Variants in CAMK4 observed in about 807,000 individuals in gnomAD.
CAMK4 encodes calcium/calmodulin-dependent protein kinase type IV.
Under a neutral mutation model 44.9 loss-of-function variants are expected in CAMK4, and 22 were observed. That is an observed-to-expected ratio of 0.49 (90% CI 0.35 to 0.70). The LOEUF (loss-of-function observed/expected upper bound fraction) is 0.70, where lower values mean the gene tolerates loss of function less well. Among genes scored for constraint, CAMK4 ranks in the 30% least tolerant of loss-of-function variants. CAMK4 has a pLI of 0.01. For missense variants in CAMK4, 498 were observed against 586.8 expected (o/e 0.85, Z 1.56); for synonymous variants, 218 against 215.4 (o/e 1.01, Z -0.11).
In CAMK4 at chr5:111,493,981, C is replaced by T. The variant is rs1391685960; in HGVS notation, c.*9515C>T. The stretch of plus-strand genomic sequence containing the variant: ...GCAGACATTGAGAAAGGAAAACTTC[C>T]TACTTGGGCTTTTCAGGCTTATGTG... On this transcript the variant is annotated 3_prime_UTR_variant, in exon 11 of 11. Transcript: ENST00000282356. This position sits in a 1 kb window ranked among gnomAD's most constrained non-coding sequence, Gnocchi z 4.1. 6.6e-6 allele frequency: 1 copy of T among 152,116 alleles called. No homozygotes were observed. Among genetic ancestry groups the T allele is most frequent in the Non-Finnish European group, 1.5e-5 (1 of 68,010 alleles). The allele number at this position is 152,116 out of a possible 1,614,324, so 9.4% of individuals were successfully genotyped here.
At chr5:111,404,827 A>G (rs566201210) in intron 5 of CAMK4, among the ~76,000 whole-genome samples, 1 of 152,144 alleles carries the variant, frequency 6.6e-6, no homozygotes, top group Admixed American at 6.5e-5. Flanking sequence ...GGGACTTACT[A>G]TGTTATTCTT....
chr5:111,247,210 A>G (rs1749279341), intron 1 of CAMK4, among the ~76,000 whole-genome samples: 1 of 151,280 alleles, frequency 6.6e-6, no homozygotes, highest in Non-Finnish European at 1.5e-5. Flanking sequence ...GTACATATGT[A>G]AAAATAGTAG....
chr5:111,484,980 CAAA>C lies in CAMK4; in HGVS notation c.*521_*523del, dbSNP rs537799080. 6.7e-6 allele frequency: 1 copy of C among 150,164 alleles called. No homozygotes were observed. The highest frequency in any genetic ancestry group is 6.6e-5 in the Admixed American group (1 of 15,090). 9.3% of individuals were successfully genotyped at this position (150,164 alleles called of 1,614,324 possible). A position where few individuals can be genotyped will look rare whatever the true frequency, so the allele number is the denominator to read the frequency against. The stretch of plus-strand genomic sequence containing the variant: ...TATAGATGATAGTTGTACATATGTG[CAAA>C]AAAAAATCCACTTGCAATGGTAAGA... On this transcript the variant is annotated 3_prime_UTR_variant, in exon 11 of 11. Coordinates refer to ENST00000282356, the MANE Select transcript of CAMK4 (RefSeq NM_001744.6). This position sits in a 1 kb window ranked among gnomAD's most constrained non-coding sequence, Gnocchi z 5.3.
chr5:111,317,898 T>TAAAAAAAAAAAAAAAAAAATAAAAAAA (rs1748495588), intron 1 of CAMK4, among the ~76,000 whole-genome samples: 1 of 69,820 alleles, frequency 1.4e-5, no homozygotes, highest in Non-Finnish European at 2.6e-5. Flanking sequence ...GAGTAATATG[T>TAAAAAAAAAAAAAAAAAAATAAAAAAA]AAAAAAAAAA....
At chr5:111,477,752 C>T (rs1367386620) in intron 8 of CAMK4, among the ~76,000 whole-genome samples, 4 of 152,136 alleles carry the variant, frequency 2.6e-5, no homozygotes, top group Non-Finnish European at 5.9e-5. Flanking sequence ...TAATCTTATA[C>T]ATTTTTTAAG....
At position 111,310,659 on chromosome 5, in the gene CAMK4, T is replaced by C. The variant is rs1210144882; in HGVS notation, c.162-33365T>C. Among the ~76,000 whole-genome samples, 7 of 152,304 alleles carry C rather than the reference T, an allele frequency of 4.6e-5. No individual in the cohort carries two copies. The East Asian group carries it at 1.3e-3, about 29-fold the overall frequency. On this transcript the variant is annotated intron_variant, in intron 1 of 10. Coordinates refer to ENST00000282356, the MANE Select transcript of CAMK4 (RefSeq NM_001744.6). ...GACAGCTAGTATTACTTTTCATGCT[T>C]TGGTAATCCCTGTCCTAGTGAACAC... is the stretch of plus-strand genomic sequence containing the variant.
chr5:111,464,580 T>C (rs1390987764), intron 7 of CAMK4, among the ~76,000 whole-genome samples: 1 of 152,184 alleles, frequency 6.6e-6, no homozygotes, highest in Non-Finnish European at 1.5e-5. Context: ...TTAAGAGCCA[T>C]GTATTCTATG....
chr5:111,227,661 T>A (rs1486877206), intron 1 of CAMK4, among the ~76,000 whole-genome samples: 2 of 152,238 alleles, frequency 1.3e-5, no homozygotes, highest in African/African-American at 4.8e-5. Flanking sequence ...AGGCAGGTGC[T>A]GGCAGCACTG....
chr5:111,443,700 A>G (rs1228324322), intron 5 of CAMK4, among the ~76,000 whole-genome samples: 2 of 152,114 alleles, frequency 1.3e-5, no homozygotes, highest in African/African-American at 2.4e-5. Context: ...GGATCTTCAT[A>G]TAATTAGTTC....
chr5:111,385,796 C>G (rs1249311831), intron 4 of CAMK4, among the ~76,000 whole-genome samples: 2 of 152,090 alleles, frequency 1.3e-5, no homozygotes, highest in Non-Finnish European at 2.9e-5. Context: ...AGGATACTCT[C>G]GATCTCCTGA....
At chr5:111,310,128 G>A (rs1024863052) in intron 1 of CAMK4, among the ~76,000 whole-genome samples, 1 of 151,820 alleles carries the variant, frequency 6.6e-6, no homozygotes, top group Non-Finnish European at 1.5e-5. Flanking sequence ...CTCGTTTTGG[G>A]GGTAGAGTTG....
At chr5:111,423,492 G>C (rs1753105882) in intron 5 of CAMK4, among the ~76,000 whole-genome samples, 1 of 152,138 alleles carries the variant, frequency 6.6e-6, no homozygotes, top group African/African-American at 2.4e-5. Flanking sequence ...GACCATCTGT[G>C]CAATTTATCC....
intron 1 of CAMK4, among the ~76,000 whole-genome samples, chr5:111,281,606 T>C (rs1315620328): frequency 6.6e-6 from 1 of 152,144 alleles, no homozygotes; most frequent in African/African-American, 2.4e-5. Flanking sequence ...CTCTGGGTTA[T>C]GTAATGAGAA....
intron 7 of CAMK4, among the ~76,000 whole-genome samples, chr5:111,456,242 C>T (rs1007561758): frequency 6.6e-6 from 1 of 151,972 alleles, no homozygotes; most frequent in Admixed American, 6.6e-5. Flanking sequence ...TGGCTCACGA[C>T]TGTAATCCCA....
chr5:111,236,410 A>G (rs1748724550), intron 1 of CAMK4, among the ~76,000 whole-genome samples: 1 of 152,268 alleles, frequency 6.6e-6, no homozygotes, highest in Admixed American at 6.5e-5. Flanking sequence ...GAATACTACC[A>G]GGTGTTTATC....
chr5:111,455,478 A>C (rs2112990393), intron 7 of CAMK4, among the ~76,000 whole-genome samples: 1 of 152,312 alleles, frequency 6.6e-6, no homozygotes, highest in African/African-American at 2.4e-5. Context: ...GGCATGATGA[A>C]AGTGTAGAAT....
At chr5:111,403,762 G>C (rs1043785823) in intron 5 of CAMK4, among the ~76,000 whole-genome samples, 1 of 152,088 alleles carries the variant, frequency 6.6e-6, no homozygotes, top group African/African-American at 2.4e-5. Context: ...AACAATTCCT[G>C]GGCAAGGGAG....
In CAMK4 at chr5:111,224,430, C is replaced by T. The variant is rs1748063826; in HGVS notation, c.-54C>T. The stretch of plus-strand genomic sequence containing the variant: ...AGGCGGCGGCTGGCGGCCGGCTTCT[C>T]GCTCGGGCAGCGGCGGCGGCGGCGG... On this transcript the variant is annotated 5_prime_UTR_variant, in exon 1 of 11. Coordinates refer to ENST00000282356, the MANE Select transcript of CAMK4 (RefSeq NM_001744.6). The surrounding 1 kb of genome is among the most constrained non-coding windows in gnomAD (Gnocchi z 5.7). The T allele has an allele frequency of 5.9e-6, 9 of 1,525,154 alleles. No individual in the cohort carries two copies. The highest frequency in any genetic ancestry group is 7.9e-6 in the Non-Finnish European group (9 of 1,139,300). The allele number at this position is 1,525,154 out of a possible 1,614,324, so 94.5% of individuals were successfully genotyped here. A position where few individuals can be genotyped will look rare whatever the true frequency, so the allele number is the denominator to read the frequency against.
chr5:111,298,748 C>T (rs531107832), intron 1 of CAMK4, among the ~76,000 whole-genome samples: 1 of 152,340 alleles, frequency 6.6e-6, no homozygotes, highest in South Asian at 2.1e-4. Flanking sequence ...CTCCTGTTAA[C>T]AGATGAGGTT....
Sources: gnomAD v4.1 joint callset for allele counts (sites outside exome capture counted in the v4.1 genomes callset) on GRCh38, gnomAD v4.1.1 for gene constraint, Gnocchi (gnomAD v3.1) non-coding constraint, MANE v1.5 for transcripts, NCBI Gene and HGNC (gene_info 2026-07-23, HGNC 2026-07-21) for gene names.